TCF20: variants seen among roughly 807,000 people sequenced by gnomAD.
TCF20 encodes the protein transcription factor 20.
Under a neutral mutation model 148.6 loss-of-function variants are expected in TCF20, and 3 were observed. That is an observed-to-expected ratio of 0.02 (90% CI 0.01 to 0.05). TCF20 has a LOEUF of 0.05. Ranked by LOEUF, TCF20 falls within the 10% of genes least tolerant of loss-of-function variation. The probability of loss-of-function intolerance (pLI) is 1.00; values close to 1 mark genes in which losing one functional copy is unlikely to be tolerated. For missense variants in TCF20, 2,350 were observed against 2,429.3 expected (o/e 0.97, Z 0.69); for synonymous variants, 1,049 against 909.5 (o/e 1.15, Z -2.76).
intron 1 of TCF20, among the ~76,000 whole-genome samples, chr22:42,261,944 T>C (rs1473157164): frequency 6.6e-6 from 1 of 152,074 alleles, no homozygotes; most frequent in Non-Finnish European, 1.5e-5. Context: ...TGAGCAAAGA[T>C]TGAGTCACTG....
At chr22:42,189,756 G>A (rs944876963) in intron 2 of TCF20, among the ~76,000 whole-genome samples, 2 of 152,138 alleles carry the variant, frequency 1.3e-5, no homozygotes, top group Non-Finnish European at 2.9e-5. Flanking sequence ...GGACAACAAC[G>A]ACAAATCTAG....
upstream of TCF20, among the ~76,000 whole-genome samples, chr22:42,273,431 T>C (rs1039614208): frequency 1.3e-5 from 2 of 150,312 alleles, no homozygotes; most frequent in African/African-American, 4.9e-5. Flanking sequence ...CTGCATGTTC[T>C]ATGACATGGA....
intron 1 of TCF20, among the ~76,000 whole-genome samples, chr22:42,242,187 A>G (rs1274484345): frequency 7.5e-6 from 1 of 133,176 alleles, no homozygotes; most frequent in African/African-American, 3.0e-5. Context: ...TGGGCGACAG[A>G]GCGAGACTTC....
chr22:42,168,630 T>C lies in TCF20; in HGVS notation c.*23A>G, dbSNP rs753707127. The stretch of plus-strand genomic sequence containing the variant: ...TCACCTGTGCTTGCTGTCCTTTCCA[T>C]TCCCACGAGCACACTGCCCCCCTCA... On this transcript the variant is annotated 3_prime_UTR_variant, in exon 5 of 6. Transcript: ENST00000677622. The C allele has an allele frequency of 1.9e-6, 3 of 1,588,194 alleles. No individual in the cohort carries two copies. The highest frequency in any genetic ancestry group is 1.3e-5 in the African/African-American group (1 of 74,404).
intron 1 of TCF20, among the ~76,000 whole-genome samples, chr22:42,283,268 T>C (rs528197465): frequency 6.6e-6 from 1 of 152,022 alleles, no homozygotes; most frequent in African/African-American, 2.4e-5. Flanking sequence ...CTGCTGGAGG[T>C]GGAAGAACAT....
intron 1 of TCF20, among the ~76,000 whole-genome samples, chr22:42,306,246 A>C (rs1927431494): frequency 6.6e-6 from 1 of 152,240 alleles, no homozygotes; most frequent in Non-Finnish European, 1.5e-5. Context: ...AATGAAAGGC[A>C]GAAGCCTGGG....
At position 42,290,288 on chromosome 22, in the gene TCF20, G is replaced by C. The variant is rs1047984675; in HGVS notation, c.-37+53191C>G. Among the ~76,000 whole-genome samples, 12 of 152,218 alleles carry C rather than the reference G, an allele frequency of 7.9e-5. No homozygotes were observed. Among genetic ancestry groups the C allele is most frequent in the African/African-American group, 2.7e-4 (11 of 41,458 alleles). On this transcript the variant is annotated intron_variant, in intron 1 of 1. Coordinates refer to the TCF20 transcript ENST00000515426. The surrounding 1 kb of genome is among the most constrained non-coding windows in gnomAD (Gnocchi z 4.2). ...GATGTGCAGGAGGCTCGGGGCCCCT[G>C]AGAAGCGGCCCAGCACAGGCCGTCT...
At chr22:42,324,501 T>C (rs112598956) in intron 1 of TCF20, among the ~76,000 whole-genome samples, 2 of 150,908 alleles carry the variant, frequency 1.3e-5, no homozygotes, top group Admixed American at 6.6e-5. Flanking sequence ...GAGAAAATAA[T>C]CTCCACCATC....
At chr22:42,313,253 G>C (rs553906754) in intron 1 of TCF20, among the ~76,000 whole-genome samples, 1 of 152,306 alleles carries the variant, frequency 6.6e-6, no homozygotes, top group East Asian at 1.9e-4. Flanking sequence ...TGCACAGTAG[G>C]GTCTCAACCC....
At chr22:42,314,406 G>A (rs546215341) in intron 1 of TCF20, among the ~76,000 whole-genome samples, 1 of 152,374 alleles carries the variant, frequency 6.6e-6, no homozygotes, top group Admixed American at 6.5e-5. Flanking sequence ...GTCAGAAAAT[G>A]ATTTCCCCAT....
At chr22:42,242,756 G>A (rs1249674106) in intron 1 of TCF20, among the ~76,000 whole-genome samples, 1 of 151,720 alleles carries the variant, frequency 6.6e-6, no homozygotes, top group African/African-American at 2.4e-5. Flanking sequence ...GGGTGGTGGT[G>A]GGCACCTGTA....
intron 2 of TCF20, among the ~76,000 whole-genome samples, chr22:42,196,435 T>G (rs944435487): frequency 6.6e-6 from 1 of 152,236 alleles, no homozygotes; most frequent in Non-Finnish European, 1.5e-5. Flanking sequence ...TTTCAAAGCA[T>G]TAGTATATTT....
rs5845532 is a variant in TCF20 at position 42,307,038 on chromosome 22, TAA to T, written c.-37+36439_-37+36440del. 6.9e-3 allele frequency among the ~76,000 whole-genome samples: 644 copies of T among 92,750 alleles called. 9 individuals are homozygous for T. Among genetic ancestry groups the T allele is most frequent in the South Asian group, 0.035 (90 of 2,550 alleles). 60.8% of individuals were successfully genotyped at this position (92,750 alleles called of 152,430 possible). On this transcript the variant is annotated intron_variant, in intron 1 of 1. Coordinates refer to the TCF20 transcript ENST00000515426. The stretch of plus-strand genomic sequence containing the variant: ...TGGGTGACAGAGCAAGACTCTGTCT[TAA>T]AAAAAAAAAAAAAAAAAAAAAAGAC...
chr22:42,241,868 T>C (rs562271718), intron 1 of TCF20, among the ~76,000 whole-genome samples: 2 of 151,382 alleles, frequency 1.3e-5, no homozygotes, highest in South Asian at 4.2e-4. Flanking sequence ...AGAAGACTGA[T>C]TAACTGAAAA....
At chr22:42,167,302 CG>C (rs1935846860) in intron 5 of TCF20, among the ~76,000 whole-genome samples, 1 of 152,020 alleles carries the variant, frequency 6.6e-6, no homozygotes, top group Non-Finnish European at 1.5e-5. Flanking sequence ...GGGCCTTCTC[CG>C]GAAATTAGTA....
intron 1 of TCF20, among the ~76,000 whole-genome samples, chr22:42,263,268 A>G (rs1352569225): frequency 6.6e-6 from 1 of 152,182 alleles, no homozygotes; most frequent in Non-Finnish European, 1.5e-5. Context: ...TACCAAAGGG[A>G]TACAGAATCT....
Position 42,212,541 on chromosome 22 carries a change from T to C in TCF20, c.2765A>G (p.Lys922Arg). 1.2e-6 allele frequency: 2 copies of C among 1,614,012 alleles called. No homozygotes were observed. The highest frequency in any genetic ancestry group is 1.7e-6 in the Non-Finnish European group (2 of 1,179,818). ...GGLVSMETKL[K>R]SQSGQIKEED... The stretch of plus-strand genomic sequence containing the variant: ...CTCTTTTATCTGCCCGCTCTGGGAT[T>C]TCAGCTTGGTTTCCATGGACACCAA... Residue 922 changes from lysine to arginine, a missense_variant, in exon 2 of 6, where the codon AAA becomes AGA. This residue lies in a region of TCF20 where 1,641 missense variants were observed against 1,662.6 expected (regional missense o/e 0.99). Transcript: ENST00000677622.
At chr22:42,291,537 C>G (rs1927133214) in intron 1 of TCF20, among the ~76,000 whole-genome samples, 1 of 152,200 alleles carries the variant, frequency 6.6e-6, no homozygotes, top group Non-Finnish European at 1.5e-5. Context: ...GCAGCAGTGC[C>G]TGTGCTGGGA....
intron 1 of TCF20, among the ~76,000 whole-genome samples, chr22:42,281,424 C>G (rs1377976483): frequency 6.6e-6 from 1 of 152,214 alleles, no homozygotes; most frequent in Non-Finnish European, 1.5e-5. Flanking sequence ...AGTGGCTCCC[C>G]CAGCCAGTGA....
Sources: gnomAD v4.1 joint callset for allele counts (sites outside exome capture counted in the v4.1 genomes callset) on GRCh38, gnomAD v4.1.1 for gene constraint, gnomAD v4.1.1 regional missense constraint, Gnocchi (gnomAD v3.1) non-coding constraint, MANE v1.5 for transcripts, NCBI Gene and HGNC (gene_info 2026-07-23, HGNC 2026-07-21) for gene names.